KIF27: variants seen among roughly 807,000 people sequenced by gnomAD.
The protein encoded by KIF27 is kinesin family member 27.
Under a neutral mutation model 141.8 loss-of-function variants are expected in KIF27, and 84 were observed. That is an observed-to-expected ratio of 0.59 (90% confidence interval 0.50 to 0.71). The LOEUF is 0.71. Ranked by LOEUF, KIF27 falls within the 30% of genes least tolerant of loss-of-function variation. KIF27 has a pLI of 0.00. For missense variants in KIF27, 1,306 were observed against 1,628.4 expected, an observed-to-expected ratio of 0.80 and a Z score of 3.41; for synonymous variants, 471 against 569.5, an observed-to-expected ratio of 0.83 and a Z score of 2.46.
intron 9 of KIF27, among the ~76,000 whole-genome samples, chr9:83,885,817 A>T (rs1314071103): frequency 1.3e-5 from 2 of 151,926 alleles, no homozygotes; most frequent in African/African-American, 2.4e-5. Context: ...GTTTTTATAA[A>T]TTTTTTTTGC....
rs1948865876 is a variant in KIF27, at chr9:83,853,709, C to T, written c.3277G>A (p.Gly1093Ser). ...AGCTTTTCCAAGACATTTGCTTCACCACGAGAGAGGTTATGGAATGATGCT... is the reference window on the plus strand; with the variant it reads ...AGCTTTTCCAAGACATTTGCTTCACTACGAGAGAGGTTATGGAATGATGCT... ...LRASFHNLSRGEANVLEKLAC... is the reference protein window; with the variant it reads ...LRASFHNLSRSEANVLEKLAC... Residue 1093 changes from glycine (G) to serine (S), a missense_variant, in exon 15 of 18, where the codon GGT (glycine) becomes AGT (serine). Physicochemically the swap from Gly to Ser is moderately conservative, Grantham distance 56. This residue lies in a region of KIF27 where 596 missense variants were observed against 751.6 expected (regional missense o/e 0.79). Transcript: ENST00000297814. 2 of 1,613,792 alleles carry T rather than the reference C, an allele frequency of 1.2e-6. No individual in the cohort carries two copies. Among genetic ancestry groups the T allele is most frequent in the Non-Finnish European group, 1.7e-6 (2 of 1,179,790 alleles).
chr9:83,890,029 G>A lies in KIF27; in HGVS notation c.1810-776C>T, dbSNP rs547609722. Among the ~76,000 whole-genome samples, 5 of 152,254 alleles carry A rather than the reference G, an allele frequency of 3.3e-5. No individual in the cohort carries two copies. In the South Asian group the frequency reaches 1.0e-3, roughly 32 times the overall value. ...CATCTCTGTAACCAAATCTCAAGAT[G>A]ACTTCTCTCAAAAGGCAATAAAATC... is the stretch of plus-strand genomic sequence containing the variant. On this transcript the variant is annotated intron_variant, in intron 6 of 17. Transcript: ENST00000297814.
intron 1 of KIF27, among the ~76,000 whole-genome samples, chr9:83,918,710 G>A (rs1220484127): frequency 2.6e-5 from 4 of 152,080 alleles, no homozygotes; most frequent in Admixed American, 2.6e-4. Context: ...GGAGACTGAG[G>A]TGGGAGGATG....
At position 83,867,836 on chromosome 9, in the gene KIF27, A is replaced by T; in HGVS notation, c.2782T>A (p.Leu928Ile). ...AGAACTTTCTCTACTTCTTCATCTA[A>T]CCATTTCTTTTGCTCATCCAATTTC... Reference protein sequence around the residue: ...LQKLDEQKKWLDEEVEKVLNQ... With the variant: ...LQKLDEQKKWIDEEVEKVLNQ... The change falls in exon 13 of 18, where the codon TTA becomes ATA. Residue 928 changes from leucine (L) to isoleucine (I), a missense_variant. By Grantham distance (5) the Leu-to-Ile change is conservative. This residue lies in a region of KIF27 where 596 missense variants were observed against 751.6 expected (regional missense o/e 0.79). Transcript: ENST00000297814. 1 of 1,592,652 alleles carries T rather than the reference A, an allele frequency of 6.3e-7. No homozygotes were observed. The highest frequency in any genetic ancestry group is 2.2e-5 in the East Asian group (1 of 44,450).
intron 11 of KIF27, among the ~76,000 whole-genome samples, chr9:83,871,778 C>G (rs1221669916): frequency 6.6e-6 from 1 of 151,778 alleles, no homozygotes; most frequent in African/African-American, 2.4e-5. Flanking sequence ...ACCTCCGCCT[C>G]CCAGGTTTCA....
At chr9:83,842,658 G>A (rs1946724751) in intron 16 of KIF27, among the ~76,000 whole-genome samples, 1 of 151,994 alleles carries the variant, frequency 6.6e-6, no homozygotes, top group South Asian at 2.1e-4. Context: ...AGTAGAGATG[G>A]GGTTTCATCA....
At chr9:83,914,198 A>G (rs979235266) in intron 2 of KIF27, among the ~76,000 whole-genome samples, 3 of 148,700 alleles carry the variant, frequency 2.0e-5, no homozygotes, top group African/African-American at 7.3e-5. Context: ...AGGATTATAA[A>G]ACATTTGCCA....
At chr9:83,848,593 T>C (rs1948148710) in intron 16 of KIF27, 2 of 147,626 alleles carry the variant, frequency 1.4e-5, no homozygotes, top group South Asian at 2.1e-4. Context: ...ATATGCTATA[T>C]GAATATATGC....
In KIF27 at chr9:83,880,291, T is replaced by C; in HGVS notation, c.2643+6A>G. 2 of 1,613,792 alleles carry C rather than the reference T, an allele frequency of 1.2e-6. No individual in the cohort carries two copies. Among genetic ancestry groups the C allele is most frequent in the South Asian group, 1.1e-5 (1 of 91,068 alleles). ...TATACTTAGCAGGAATGTATGACAA[T>C]ATTACTTTGATTTTTTGCTGGTCCC... On this transcript the variant is annotated splice_donor_region_variant and intron_variant, in intron 11 of 17. Transcript: ENST00000297814.
intron 13 of KIF27, chr9:83,863,548 C>T (rs1168458794): frequency 8.5e-5 from 13 of 152,158 alleles, no homozygotes; most frequent in African/African-American, 3.1e-4. Context: ...GGTGGATAAG[C>T]TTTTTGATGT....
At chr9:83,849,211 T>A (rs1262375897) in intron 16 of KIF27, among the ~76,000 whole-genome samples, 1 of 152,194 alleles carries the variant, frequency 6.6e-6, no homozygotes, top group Non-Finnish European at 1.5e-5. Flanking sequence ...AGAACTAAAC[T>A]AAGGTAAGGA....
chr9:83,874,298 C>T (rs762436109), intron 11 of KIF27, among the ~76,000 whole-genome samples: 8 of 152,258 alleles, frequency 5.3e-5, no homozygotes, highest in African/African-American at 1.9e-4. Flanking sequence ...CTTAAGATCA[C>T]ACCACCACCC....
intron 15 of KIF27, 55 bp from the exon 16 acceptor site, chr9:83,850,352 A>C: frequency 9.1e-7 from 1 of 1,094,082 alleles, no homozygotes. Context: ...CTAATATAAT[A>C]ATCTACTTTT....
At chr9:83,898,042 A>T (rs770306575) in intron 5 of KIF27, among the ~76,000 whole-genome samples, 14 of 152,210 alleles carry the variant, frequency 9.2e-5, no homozygotes, top group Non-Finnish European at 1.5e-4. Context: ...TATCACCTAC[A>T]AAAGTTAAAG....
intron 11 of KIF27, among the ~76,000 whole-genome samples, chr9:83,878,112 C>T (rs1275225890): frequency 4.5e-5 from 6 of 134,684 alleles, no homozygotes; most frequent in Admixed American, 9.1e-5. Flanking sequence ...TGCAGTGAGC[C>T]GAGATCACGC....
chr9:83,907,171 T>C (rs973164994), intron 3 of KIF27, among the ~76,000 whole-genome samples: 1 of 151,700 alleles, frequency 6.6e-6, no homozygotes, highest in African/African-American at 2.4e-5. Context: ...GCGCCTGTAG[T>C]CCCAGCTACT....
Position 83,875,699 on chromosome 9 carries a change from A to T in KIF27, c.2643+4598T>A, listed in dbSNP as rs1435869911. ...AGGAAGGTATAACGTCACAAAAGCA[A>T]GGGGAAAACACTTCAAGACGGAGGG... On this transcript the variant is annotated intron_variant, in intron 11 of 17. Coordinates refer to ENST00000297814, the MANE Select transcript of KIF27 (RefSeq NM_017576.4). Among the ~76,000 whole-genome samples, 3 of 152,156 alleles carry T rather than the reference A, an allele frequency of 2.0e-5. No homozygotes were observed. In the South Asian group the frequency reaches 6.2e-4, roughly 32 times the overall value.
intron 3 of KIF27, among the ~76,000 whole-genome samples, chr9:83,906,370 C>T (rs1398238389): frequency 6.6e-6 from 1 of 152,186 alleles, no homozygotes; most frequent in Non-Finnish European, 1.5e-5. Flanking sequence ...CCTAACTTTC[C>T]TAACTGCTAG....
At chr9:83,900,708 TAAAG>T (rs1251134749) in intron 4 of KIF27, among the ~76,000 whole-genome samples, 1 of 152,030 alleles carries the variant, frequency 6.6e-6, no homozygotes. Flanking sequence ...AACGAATGGA[TAAAG>T]AAACTGTGAT....
Sources: gnomAD v4.1 joint callset for allele counts (sites outside exome capture counted in the v4.1 genomes callset) on GRCh38, gnomAD v4.1.1 for gene constraint, gnomAD v4.1.1 regional missense constraint, MANE v1.5 for transcripts, NCBI Gene and HGNC (gene_info 2026-07-23, HGNC 2026-07-21) for gene names.